The following IFT88 variants were observed in gnomAD, a reference collection of about 807,000 sequenced individuals.
The protein encoded by IFT88 is intraflagellar transport protein 88 homolog.
Under a neutral mutation model 119.5 loss-of-function variants are expected in IFT88, and 74 were observed. The ratio of observed to expected loss-of-function variants is 0.62; its 90% CI spans 0.51 to 0.75. IFT88 has a LOEUF of 0.75. Among genes scored for constraint, IFT88 ranks in the 30% least tolerant of loss-of-function variants. The probability of loss-of-function intolerance (pLI) is 0.00; values close to 1 mark genes in which losing one functional copy is unlikely to be tolerated. For missense variants in IFT88, 961 were observed against 977.7 expected (o/e 0.98, Z 0.23); for synonymous variants, 279 against 316.7 (o/e 0.88, Z 1.26).
In IFT88 at chr13:20,598,669, A is replaced by G. The variant is rs79793487; in HGVS notation, c.613A>G (p.Ser205Gly). Residue 205 changes from serine to glycine, a missense_variant, in exon 10 of 26, where the codon AGT becomes GGT. By Grantham distance (56) the Ser-to-Gly change is moderately conservative (BLOSUM62 0). Transcript: ENST00000351808. Reference sequence around the variant, plus strand: ...TCCTTAGGTTCTTTTCAATTTGGCCAGTCAGTATTCAGTTAATGAAATGTA... The same window carrying G: ...TCCTTAGGTTCTTTTCAATTTGGCCGGTCAGTATTCAGTTAATGAAATGTA... Reference protein sequence around the residue: ...LTYSVLFNLASQYSVNEMYAE... With the variant: ...LTYSVLFNLAGQYSVNEMYAE... The G allele has an allele frequency of 2.2e-3, 3,505 of 1,609,330 alleles. 74 individuals carry two copies. The African/African-American group carries it at 0.041, about 19-fold the overall frequency.
intron 20 of IFT88, among the ~76,000 whole-genome samples, chr13:20,650,890 G>T (rs1337435202): frequency 6.6e-6 from 1 of 152,058 alleles, no homozygotes; most frequent in African/African-American, 2.4e-5. Flanking sequence ...AATAATTAGC[G>T]ATTAATTTAG....
intron 19 of IFT88, 144 bp downstream of exon 19, chr13:20,643,749 TA>T (rs571874385): frequency 2.8e-5 from 19 of 674,992 alleles, no homozygotes; most frequent in Non-Finnish European, 4.6e-5. Context: ...AAAATGAAGT[TA>T]GTTTTTGTTT....
intron 13 of IFT88, among the ~76,000 whole-genome samples, chr13:20,611,148 G>A (rs1033716379): frequency 4.6e-5 from 7 of 150,972 alleles, no homozygotes; most frequent in Non-Finnish European, 8.8e-5. Context: ...AATGAAGGAT[G>A]AAAACTACAC....
At chr13:20,659,112 C>A (rs2053371936) in intron 22 of IFT88, among the ~76,000 whole-genome samples, 1 of 152,156 alleles carries the variant, frequency 6.6e-6, no homozygotes, top group Non-Finnish European at 1.5e-5. Context: ...ACATATTCTT[C>A]ACCAAAAATT....
intron 24 of IFT88, among the ~76,000 whole-genome samples, chr13:20,681,624 G>A (rs2057329561): frequency 6.6e-6 from 1 of 152,228 alleles, no homozygotes; most frequent in Admixed American, 6.5e-5. Flanking sequence ...AGAGTTGTAT[G>A]AGCTCCAATA....
At chr13:20,595,012 A>G (rs958725225) in intron 7 of IFT88, among the ~76,000 whole-genome samples, 6 of 144,016 alleles carry the variant, frequency 4.2e-5, no homozygotes, top group Non-Finnish European at 9.4e-5. Flanking sequence ...GTAGCAAAAC[A>G]ACATTACTGT....
intron 2 of IFT88, among the ~76,000 whole-genome samples, chr13:20,578,056 T>C (rs972921717): frequency 1.6e-5 from 2 of 124,108 alleles, no homozygotes; most frequent in African/African-American, 6.5e-5. Context: ...TTTTTTTTTT[T>C]TTTTTTCAGA....
chr13:20,598,745 G>A lies in IFT88; in HGVS notation c.689G>A (p.Ser230Asn). Residue 230 changes from serine to asparagine, a missense_variant, in exon 10 of 26, where the codon AGC becomes AAC. By Grantham distance (46) the Ser-to-Asn change is conservative. Coordinates refer to ENST00000351808, the MANE Select transcript of IFT88 (RefSeq NM_006531.5). ...GTTATAGTCAAAAATAAGATGTTTA[G>A]CAATGCAGGTAAGTGTACATAATCA... ...YQVIVKNKMF[S>N]NAGILKMNMG... 3.2e-6 allele frequency: 5 copies of A among 1,585,762 alleles called. No individual in the cohort carries two copies. Among genetic ancestry groups the A allele is most frequent in the South Asian group, 1.1e-5 (1 of 90,384 alleles).
At chr13:20,600,764 T>TA (rs1409307966) in intron 11 of IFT88, among the ~76,000 whole-genome samples, 1 of 152,208 alleles carries the variant, frequency 6.6e-6, no homozygotes, top group Non-Finnish European at 1.5e-5. Context: ...CTTTTAGGTA[T>TA]ATACCCAAGA....
intron 13 of IFT88, chr13:20,607,129 T>C: frequency 5.0e-6 from 2 of 400,276 alleles, no homozygotes; most frequent in Non-Finnish European, 1.0e-5. Flanking sequence ...TCCCGGTGAC[T>C]GTGTCCTTGT....
At chr13:20,608,938 G>A (rs2043988642) in intron 13 of IFT88, among the ~76,000 whole-genome samples, 1 of 152,140 alleles carries the variant, frequency 6.6e-6, no homozygotes, top group South Asian at 2.1e-4. Context: ...GGATCTTCGA[G>A]AAATCATGTT....
rs759861534 is a variant in IFT88 at position 20,592,366 on chromosome 13, G to C, written c.360G>C (p.Arg120Ser). 5 of 1,611,520 alleles carry C rather than the reference G, an allele frequency of 3.1e-6. No individual in the cohort carries two copies. The highest frequency in any genetic ancestry group is 3.3e-4 in the Middle Eastern group (2 of 6,078). ...CATTTGACCCCCTTAGTCAGTCAAG[G>C]GGCCCTGCTTCCCCTTTGGAAGCCA... The part of the protein sequence containing the change: ...GSAFDPLSQS[R>S]GPASPLEAKK... Residue 120 changes from arginine (R) to serine (S), a missense_variant, in exon 7 of 26, where the codon AGG becomes AGC. Physicochemically the swap from Arg to Ser is moderately radical, Grantham distance 110. Coordinates refer to ENST00000351808, the MANE Select transcript of IFT88 (RefSeq NM_006531.5).
intron 21 of IFT88, 33 bp downstream of exon 21, chr13:20,653,961 AT>A: frequency 7.2e-7 from 1 of 1,391,470 alleles, no homozygotes; most frequent in Non-Finnish European, 9.9e-7. Flanking sequence ...TTTTATAGAT[AT>A]TTTGCTTCTT....
intron 13 of IFT88, among the ~76,000 whole-genome samples, chr13:20,608,756 TC>T (rs1245372372): frequency 6.6e-6 from 1 of 152,216 alleles, no homozygotes; most frequent in Non-Finnish European, 1.5e-5. Flanking sequence ...AGTTTGAAGT[TC>T]CTGGCAAAGG....
intron 13 of IFT88, chr13:20,607,360 T>C (rs997471600): frequency 1.8e-5 from 10 of 561,634 alleles, no homozygotes; most frequent in Admixed American, 1.3e-4. Context: ...CCATGTCCTA[T>C]GCACACACCA....
chr13:20,683,928 T>G (rs1371969415), intron 24 of IFT88, among the ~76,000 whole-genome samples: 1 of 152,248 alleles, frequency 6.6e-6, no homozygotes, highest in Non-Finnish European at 1.5e-5. Context: ...CAGTGACTCC[T>G]GTATGTACTT....
At chr13:20,677,727 C>T (rs1005690517) in intron 24 of IFT88, among the ~76,000 whole-genome samples, 9 of 152,132 alleles carry the variant, frequency 5.9e-5, no homozygotes, top group Admixed American at 5.9e-4. Flanking sequence ...TTAATAGAGG[C>T]TAAATTGAAT....
chr13:20,637,371 G>C (rs577216066), intron 16 of IFT88, among the ~76,000 whole-genome samples: 4 of 152,314 alleles, frequency 2.6e-5, no homozygotes, highest in Admixed American at 2.6e-4. Flanking sequence ...ATGTTATACA[G>C]TTGTGAAGGA....
At chr13:20,682,136 A>G (rs914049936) in intron 24 of IFT88, among the ~76,000 whole-genome samples, 3 of 152,206 alleles carry the variant, frequency 2.0e-5, no homozygotes, top group East Asian at 1.9e-4. Flanking sequence ...TATGCATGCA[A>G]TTTAACAGTT....
Sources: gnomAD v4.1 joint callset for allele counts (sites outside exome capture counted in the v4.1 genomes callset) on GRCh38, gnomAD v4.1.1 for gene constraint, MANE v1.5 for transcripts, NCBI Gene and HGNC (gene_info 2026-07-23, HGNC 2026-07-21) for gene names.